The following KCNQ5 variants were observed in gnomAD, a reference collection of about 807,000 sequenced individuals.
The protein encoded by KCNQ5 is potassium voltage-gated channel subfamily KQT member 5.
In KCNQ5, 30 loss-of-function variants were observed where a neutral mutation model predicts 98.2. That is an observed-to-expected ratio of 0.31 (90% CI 0.23 to 0.41). The LOEUF is 0.41. KCNQ5 is among the 10% of genes least tolerant of loss of function. The pLI is 1.00. For synonymous variants in KCNQ5, 458 were observed against 449.4 expected (o/e 1.02, Z -0.24); for missense variants, 835 against 1,182.5 (o/e 0.71, Z 4.31).
At chr6:73,105,034 G>A (rs377711014) in intron 5 of KCNQ5, among the ~76,000 whole-genome samples, 22 of 152,234 alleles carry the variant, frequency 1.4e-4, no homozygotes, top group African/African-American at 4.6e-4. Flanking sequence ...TAGAAAAGAC[G>A]GAAAACTGTG....
chr6:72,821,647 G>C (rs938654601), intron 1 of KCNQ5, among the ~76,000 whole-genome samples: 66 of 151,328 alleles, frequency 4.4e-4, no homozygotes, highest in African/African-American at 1.6e-3. Flanking sequence ...ATGTATTAGA[G>C]TTTTCTCTAC....
intron 1 of KCNQ5, among the ~76,000 whole-genome samples, chr6:72,980,248 A>T (rs539717834): frequency 3.9e-4 from 60 of 152,310 alleles, no homozygotes; most frequent in East Asian, 3.7e-3. Context: ...ATGGCATTGA[A>T]TCTATAAATT....
intron 1 of KCNQ5, among the ~76,000 whole-genome samples, chr6:72,697,447 C>T (rs1049163888): frequency 2.6e-5 from 4 of 152,018 alleles, no homozygotes; most frequent in Non-Finnish European, 4.4e-5. Flanking sequence ...TAGATTTATT[C>T]CTAGATTTAA....
At chr6:72,809,136 G>A (rs1283683771) in intron 1 of KCNQ5, among the ~76,000 whole-genome samples, 5 of 149,598 alleles carry the variant, frequency 3.3e-5, no homozygotes, top group Admixed American at 1.3e-4. Flanking sequence ...GTAAACTATC[G>A]CAAGAACAAA....
chr6:72,816,561 A>T (rs996039987), intron 1 of KCNQ5, among the ~76,000 whole-genome samples: 67 of 152,216 alleles, frequency 4.4e-4, no homozygotes, highest in Non-Finnish European at 5.1e-4. Flanking sequence ...AGACCACAAA[A>T]CAAGTGGGAA....
intron 10 of KCNQ5, chr6:73,134,450 C>G (rs1164348035): frequency 2.0e-5 from 3 of 152,632 alleles, no homozygotes; most frequent in African/African-American, 4.8e-5. Context: ...TCCTTCTGTT[C>G]CCTTTTCCTA....
At chr6:72,855,793 G>C (rs1422292116) in intron 1 of KCNQ5, among the ~76,000 whole-genome samples, 1 of 152,128 alleles carries the variant, frequency 6.6e-6, no homozygotes, top group Non-Finnish European at 1.5e-5. Flanking sequence ...TCACCCTCCG[G>C]TATAGAGATT....
intron 1 of KCNQ5, among the ~76,000 whole-genome samples, chr6:72,883,690 G>C (rs1237394473): frequency 6.6e-6 from 1 of 152,116 alleles, no homozygotes; most frequent in African/African-American, 2.4e-5. Flanking sequence ...GAACAGAAAA[G>C]TTCCCATTGC....
chr6:72,633,770 A>G (rs1013585576), intron 1 of KCNQ5, among the ~76,000 whole-genome samples: 8 of 152,224 alleles, frequency 5.3e-5, no homozygotes, highest in Admixed American at 1.3e-4. Flanking sequence ...GCCAACAAAA[A>G]CAAGTAATGG....
intron 1 of KCNQ5, among the ~76,000 whole-genome samples, chr6:72,719,422 G>GA (rs374641534): frequency 2.0e-5 from 3 of 151,826 alleles, no homozygotes; most frequent in East Asian, 1.9e-4. Flanking sequence ...GAAGTAACAG[G>GA]AAAAAAAATT....
At chr6:72,653,444 A>G (rs146076921) in intron 1 of KCNQ5, among the ~76,000 whole-genome samples, 24 of 152,184 alleles carry the variant, frequency 1.6e-4, no homozygotes, top group African/African-American at 5.1e-4. Context: ...ATAATGGTTG[A>G]TACCCAAAAG....
intron 1 of KCNQ5, among the ~76,000 whole-genome samples, chr6:72,863,091 T>C (rs1279903211): frequency 6.6e-6 from 1 of 152,200 alleles, no homozygotes; most frequent in Non-Finnish European, 1.5e-5. Context: ...CAGTTGCTAC[T>C]GTGTGTATAA....
chr6:72,710,985 T>A (rs570464519), intron 1 of KCNQ5, among the ~76,000 whole-genome samples: 1 of 152,288 alleles, frequency 6.6e-6, no homozygotes, highest in South Asian at 2.1e-4. Flanking sequence ...ATATTGAATA[T>A]CTTTTCTGAC....
At chr6:73,019,519 T>C (rs1036658921) in intron 2 of KCNQ5, among the ~76,000 whole-genome samples, 7 of 152,114 alleles carry the variant, frequency 4.6e-5, no homozygotes, top group African/African-American at 1.4e-4. Context: ...GCGGGTATCA[T>C]CCTTAGGTCC....
At position 72,681,063 on chromosome 6, in the gene KCNQ5, C is replaced by T. The variant is rs571749909; in HGVS notation, c.398+58476C>T. 2.6e-5 allele frequency among the ~76,000 whole-genome samples: 4 copies of T among 152,284 alleles called. No individual in the cohort carries two copies. The South Asian group carries it at 8.3e-4, about 32-fold the overall frequency. ...AAAAGTGTGGAAGGGCTATGAAAGC[C>T]CTGCTTCTCCTGTTACTTACTTCTG... On this transcript the variant is annotated intron_variant, in intron 1 of 13. Coordinates refer to ENST00000370398, the MANE Select transcript of KCNQ5 (RefSeq NM_019842.4).
chr6:73,108,076 G>A (rs1306515461), intron 6 of KCNQ5, among the ~76,000 whole-genome samples: 1 of 152,140 alleles, frequency 6.6e-6, no homozygotes, highest in African/African-American at 2.4e-5. Flanking sequence ...TCCCACCCAG[G>A]ACACCTGAGA....
intron 5 of KCNQ5, among the ~76,000 whole-genome samples, chr6:73,095,105 C>G (rs1368916517): frequency 6.6e-6 from 1 of 152,170 alleles, no homozygotes; most frequent in Admixed American, 6.5e-5. Flanking sequence ...TTCTTGGAGG[C>G]TGTGTTCGTA....
At chr6:72,959,864 A>G (rs1767252127) in intron 1 of KCNQ5, among the ~76,000 whole-genome samples, 1 of 152,234 alleles carries the variant, frequency 6.6e-6, no homozygotes, top group South Asian at 2.1e-4. Context: ...AGAAGTGTGA[A>G]AAGTGTCTTG....
At chr6:72,806,089 C>A (rs1425292449) in intron 1 of KCNQ5, among the ~76,000 whole-genome samples, 1 of 152,096 alleles carries the variant, frequency 6.6e-6, no homozygotes, top group Non-Finnish European at 1.5e-5. Context: ...TGGATTTTGA[C>A]TTTATCTCTT....
Sources: gnomAD v4.1 joint callset for allele counts (sites outside exome capture counted in the v4.1 genomes callset) on GRCh38, gnomAD v4.1.1 for gene constraint, MANE v1.5 for transcripts, NCBI Gene and HGNC (gene_info 2026-07-23, HGNC 2026-07-21) for gene names.